GPHN: variants seen among roughly 807,000 people sequenced by gnomAD.
GPHN encodes the protein gephyrin.
Under a neutral mutation model 95.5 loss-of-function variants are expected in GPHN, and 17 were observed. The ratio of observed to expected loss-of-function variants is 0.18; its 90% confidence interval spans 0.12 to 0.27. GPHN has a LOEUF of 0.27. Ranked by LOEUF, GPHN falls within the 10% of genes least tolerant of loss-of-function variation. GPHN has a pLI of 1.00. For missense variants in GPHN, 660 were observed against 978.1 expected, an observed-to-expected ratio of 0.67 and a Z score of 4.34; for synonymous variants, 320 against 322.5, an observed-to-expected ratio of 0.99 and a Z score of 0.08.
chr14:66,554,476 G>A (rs2052956510), intron 1 of GPHN, among the ~76,000 whole-genome samples: 1 of 152,180 alleles, frequency 6.6e-6, no homozygotes, highest in African/African-American at 2.4e-5. Flanking sequence ...CGTGGCGGAA[G>A]GCAAAGGGGT....
At position 66,697,450 on chromosome 14, in the gene GPHN, A is replaced by G. The variant is rs146766431; in HGVS notation, c.143+16265A>G. ...ATAATTGTTGTATATAAGAATGTTT[A>G]CTATTAAAGGCACAAGATGAAATGT... On this transcript the variant is annotated intron_variant, in intron 2 of 22. Coordinates refer to ENST00000478722, the MANE Select transcript of GPHN (RefSeq NM_020806.5). 2.1e-3 allele frequency among the ~76,000 whole-genome samples: 322 copies of G among 152,280 alleles called. 1 individual carries two copies. Among genetic ancestry groups the G allele is most frequent in the African/African-American group, 7.2e-3 (300 of 41,564 alleles).
the GPHN span, among the ~76,000 whole-genome samples, chr14:67,187,594 C>T: frequency 5.9e-5 from 9 of 152,236 alleles, no homozygotes; most frequent in African/African-American, 2.2e-4. Flanking sequence ...TTTATTAGAG[C>T]TACTGGAGCA....
the GPHN span, among the ~76,000 whole-genome samples, chr14:67,707,113 T>A: frequency 6.6e-6 from 1 of 152,214 alleles, no homozygotes; most frequent in Non-Finnish European, 1.5e-5. Flanking sequence ...TAGCTTCAGT[T>A]TGCAGAGCTT....
chr14:66,727,805 GA>G (rs2071384937), intron 2 of GPHN, among the ~76,000 whole-genome samples: 1 of 152,298 alleles, frequency 6.6e-6, no homozygotes, highest in African/African-American at 2.4e-5. Context: ...CGATAGAAAA[GA>G]AAATCCCATT....
chr14:67,678,255 T>C, the GPHN span: 1 of 1,059,298 alleles, frequency 9.4e-7, no homozygotes, highest in Admixed American at 1.8e-5. Context: ...TGAAGGAGAA[T>C]CATTTTGACA....
At chr14:67,207,716 GA>G in the GPHN span, among the ~76,000 whole-genome samples, 2 of 152,212 alleles carry the variant, frequency 1.3e-5, no homozygotes, top group African/African-American at 4.8e-5. Flanking sequence ...CAGAAATTGG[GA>G]AATTAGGAGG....
chr14:66,562,044 T>C (rs2060276482), intron 1 of GPHN, among the ~76,000 whole-genome samples: 1 of 152,190 alleles, frequency 6.6e-6, no homozygotes, highest in South Asian at 2.1e-4. Flanking sequence ...AGGGTCTCTC[T>C]TTTAAGGACT....
intron 17 of GPHN, among the ~76,000 whole-genome samples, chr14:67,140,229 C>G (rs1416394572): frequency 1.3e-5 from 2 of 151,910 alleles, no homozygotes; most frequent in African/African-American, 4.8e-5. Flanking sequence ...ACTAAAAATA[C>G]AAAAATTAGC....
At chr14:67,342,223 T>TTAAAAAA in the GPHN span, among the ~76,000 whole-genome samples, 2 of 93,460 alleles carry the variant, frequency 2.1e-5, no homozygotes, top group African/African-American at 1.2e-4. Context: ...TAAAATAAAA[T>TTAAAAAA]AAAAAAAAAC....
At chr14:66,758,977 A>G (rs1030429437) in intron 2 of GPHN, among the ~76,000 whole-genome samples, 5 of 152,194 alleles carry the variant, frequency 3.3e-5, no homozygotes, top group Non-Finnish European at 7.4e-5. Flanking sequence ...TTCTCTCTCT[A>G]GTCCTCATTT....
the GPHN span, among the ~76,000 whole-genome samples, chr14:67,501,979 T>G: frequency 6.6e-6 from 1 of 152,262 alleles, no homozygotes; most frequent in Admixed American, 6.5e-5. Context: ...TGCTTCAGAT[T>G]TCAAAATTGC....
intron 2 of GPHN, among the ~76,000 whole-genome samples, chr14:66,766,406 G>GA (rs1474769614): frequency 3.3e-5 from 5 of 151,512 alleles, no homozygotes; most frequent in Non-Finnish European, 5.9e-5. Context: ...GCAAAATACT[G>GA]AAAAAAAGAG....
At chr14:66,917,852 G>A (rs774975175) in intron 6 of GPHN, among the ~76,000 whole-genome samples, 6 of 152,078 alleles carry the variant, frequency 3.9e-5, no homozygotes, top group Non-Finnish European at 5.9e-5. Context: ...GGGATCAAAG[G>A]TTCATCATCC....
chr14:66,709,395 A>G, intron 2 of GPHN: 1 of 455,982 alleles, frequency 2.2e-6, no homozygotes. Context: ...GGCTGAAACC[A>G]CAGATACTAC....
chr14:67,713,286 A>C, the GPHN span, among the ~76,000 whole-genome samples: 19,352 of 151,186 alleles, frequency 0.13, 1,238 homozygotes, highest in Admixed American at 0.15. Flanking sequence ...ACAAAAAAAA[A>C]CCTCATTTTC....
the GPHN span, chr14:67,726,878 C>T: frequency 9.7e-7 from 1 of 1,035,008 alleles, no homozygotes; most frequent in Non-Finnish European, 1.5e-6. Flanking sequence ...AATTGGTTCA[C>T]ACCCAGAAGA....
At chr14:66,514,584 T>C (rs551430126) in intron 1 of GPHN, among the ~76,000 whole-genome samples, 1 of 152,206 alleles carries the variant, frequency 6.6e-6, no homozygotes, top group East Asian at 1.9e-4. Context: ...TTAATTTTTT[T>C]CTGTCTTTAT....
At chr14:66,963,470 G>A (rs986674747) in intron 8 of GPHN, among the ~76,000 whole-genome samples, 1 of 151,980 alleles carries the variant, frequency 6.6e-6, no homozygotes, top group Non-Finnish European at 1.5e-5. Flanking sequence ...GACAGACATT[G>A]ATCAAAGTAT....
the GPHN span, chr14:67,577,359 C>T: frequency 2.5e-6 from 4 of 1,590,556 alleles, no homozygotes; most frequent in African/African-American, 1.3e-5. Flanking sequence ...CTATACGCCT[C>T]CCTCACCACC....
Sources: allele counts gnomAD v4.1 joint callset (sites outside exome capture counted in the v4.1 genomes callset), GRCh38; gene constraint gnomAD v4.1.1; transcripts MANE v1.5; gene names NCBI Gene and HGNC (gene_info 2026-07-23, HGNC 2026-07-21).